Variants in RMDN2 observed in about 807,000 individuals in gnomAD.
RMDN2 encodes the protein regulator of microtubule dynamics 2.
In RMDN2, 61 loss-of-function variants were observed where a neutral mutation model predicts 52.8. That is an observed-to-expected ratio of 1.16 (90% CI 0.94 to 1.43). The LOEUF is 1.43. RMDN2 is among the 40% of genes most tolerant of loss of function. RMDN2 has a pLI of 0.00. For missense variants in RMDN2, 592 were observed against 475.3 expected, an observed-to-expected ratio of 1.25 and a Z score of -2.28; for synonymous variants, 180 against 153.1, an observed-to-expected ratio of 1.18 and a Z score of -1.30.
At chr2:38,052,206 A>G (rs1258580405) in intron 10 of RMDN2, among the ~76,000 whole-genome samples, 1 of 152,130 alleles carries the variant, frequency 6.6e-6, no homozygotes, top group African/African-American at 2.4e-5. Flanking sequence ...TTGATAATAG[A>G]CATTGTAACT....
At chr2:37,975,085 A>G in intron 3 of RMDN2, 127 bp from the exon 4 acceptor site, 2 of 667,860 alleles carry the variant, frequency 3.0e-6, no homozygotes, top group Admixed American at 2.7e-5. Flanking sequence ...ATGCATATAC[A>G]TAGATTCAAT....
chr2:38,044,614 G>A (rs775876757), intron 10 of RMDN2, among the ~76,000 whole-genome samples: 55 of 151,004 alleles, frequency 3.6e-4, no homozygotes, highest in Non-Finnish European at 6.6e-4. Context: ...TTTCAATTTG[G>A]TGAAGTTTCT....
intron 1 of RMDN2, among the ~76,000 whole-genome samples, chr2:37,927,322 T>C (rs959854150): frequency 6.6e-5 from 10 of 152,174 alleles, no homozygotes; most frequent in African/African-American, 2.4e-4. Flanking sequence ...CACTTCCCAG[T>C]TGGGTGATCA....
At chr2:37,976,279 C>T (rs1424628158) in intron 4 of RMDN2, 3 of 152,168 alleles carry the variant, frequency 2.0e-5, no homozygotes, top group Non-Finnish European at 4.4e-5. Context: ...TTATACCTCA[C>T]CTTGACTCTT....
intron 2 of RMDN2, among the ~76,000 whole-genome samples, chr2:37,955,061 C>A (rs1669282048): frequency 6.6e-6 from 1 of 152,066 alleles, no homozygotes; most frequent in Admixed American, 6.6e-5. Flanking sequence ...TGCAATTTTG[C>A]TGAATTTTAT....
At chr2:37,954,139 T>A (rs895575644) in intron 2 of RMDN2, among the ~76,000 whole-genome samples, 1 of 152,032 alleles carries the variant, frequency 6.6e-6, no homozygotes, top group African/African-American at 2.4e-5. Context: ...TTTCTCCCAA[T>A]GTGTGGGTTG....
intron 2 of RMDN2, among the ~76,000 whole-genome samples, chr2:37,971,953 A>G (rs1017905326): frequency 5.3e-5 from 8 of 152,182 alleles, no homozygotes; most frequent in Non-Finnish European, 1.0e-4. Context: ...TCACATATTT[A>G]TGATATTGGG....
At chr2:37,968,460 A>T (rs1000126667) in intron 2 of RMDN2, among the ~76,000 whole-genome samples, 2 of 140,290 alleles carry the variant, frequency 1.4e-5, no homozygotes, top group Non-Finnish European at 3.1e-5. Context: ...AAAAAAAAAA[A>T]AGAAAGTCTG....
chr2:38,023,323 A>G (rs1453859224), intron 10 of RMDN2, among the ~76,000 whole-genome samples: 1 of 152,220 alleles, frequency 6.6e-6, no homozygotes, highest in Non-Finnish European at 1.5e-5. Context: ...AAGGTAAAAA[A>G]GGAAACAAGG....
chr2:38,046,709 G>A (rs1410127411), intron 10 of RMDN2, among the ~76,000 whole-genome samples: 3 of 152,138 alleles, frequency 2.0e-5, no homozygotes, highest in Admixed American at 2.0e-4. Flanking sequence ...TCCAGGCCCG[G>A]TGCGGTGGCT....
intron 2 of RMDN2, chr2:37,951,926 A>G: frequency 1.2e-6 from 2 of 1,613,394 alleles, no homozygotes; most frequent in Non-Finnish European, 1.7e-6. Flanking sequence ...ATATTCAACA[A>G]AGGGGCCAAT....
intron 10 of RMDN2, among the ~76,000 whole-genome samples, chr2:38,013,861 A>T (rs1256141429): frequency 1.3e-5 from 2 of 152,208 alleles, no homozygotes; most frequent in Non-Finnish European, 2.9e-5. Context: ...CTTGTAAATT[A>T]ACTCATCTGT....
At chr2:37,963,059 A>C (rs528844361) in intron 2 of RMDN2, 18 of 153,058 alleles carry the variant, frequency 1.2e-4, no homozygotes, top group African/African-American at 4.1e-4. Flanking sequence ...AATGAGATGA[A>C]CTGGGTACCT....
chr2:38,053,459 A>C (rs1419731946), intron 10 of RMDN2, among the ~76,000 whole-genome samples: 1 of 152,206 alleles, frequency 6.6e-6, no homozygotes, highest in Non-Finnish European at 1.5e-5. Flanking sequence ...AAAGTGTATA[A>C]GCTATTTTCA....
intron 2 of RMDN2, among the ~76,000 whole-genome samples, chr2:37,958,316 T>G (rs1404340902): frequency 6.6e-6 from 1 of 152,224 alleles, no homozygotes; most frequent in Non-Finnish European, 1.5e-5. Context: ...ACTCTCTTAT[T>G]TCCTTGAGAA....
chr2:37,938,125 AG>A (rs1353760698), intron 2 of RMDN2, among the ~76,000 whole-genome samples: 1 of 152,160 alleles, frequency 6.6e-6, no homozygotes, highest in Non-Finnish European at 1.5e-5. Flanking sequence ...CCTTTATTGA[AG>A]GCCTTTTCTG....
In RMDN2 at chr2:37,965,383, A is replaced by T. The variant is rs146694602; in HGVS notation, c.453-8657A>T. ...GATATGTTTTGATTTCCTTTTACATATATTCTATAAATATGTTTTGTGGTT... is the reference window on the plus strand; with the variant it reads ...GATATGTTTTGATTTCCTTTTACATTTATTCTATAAATATGTTTTGTGGTT... On this transcript the variant is annotated intron_variant, in intron 2 of 10. Coordinates refer to ENST00000354545, the MANE Select transcript of RMDN2 (RefSeq NM_001170791.3). 9.5e-4 allele frequency among the ~76,000 whole-genome samples: 131 copies of T among 138,262 alleles called. 1 individual carries two copies. In the East Asian group the frequency reaches 0.022, roughly 24 times the overall value. 90.7% of individuals were successfully genotyped at this position (138,262 alleles called of 152,430 possible). A position where few individuals can be genotyped will look rare whatever the true frequency, so the allele number is the denominator to read the frequency against.
intron 4 of RMDN2, among the ~76,000 whole-genome samples, chr2:37,975,703 A>C (rs1838790): frequency 0.08 from 12,248 of 152,270 alleles, 672 homozygotes; most frequent in Non-Finnish European, 0.13. Flanking sequence ...AGTGTAATAA[A>C]AAAAAAGATC....
chr2:37,981,182 C>T, intron 4 of RMDN2, 101 bp from the exon 5 acceptor site: 1 of 782,318 alleles, frequency 1.3e-6, no homozygotes. Context: ...GCTGATGCTT[C>T]TGGTCTTGGG....
Sources: gnomAD v4.1 joint callset for allele counts (sites outside exome capture counted in the v4.1 genomes callset) on GRCh38, gnomAD v4.1.1 for gene constraint, MANE v1.5 for transcripts, NCBI Gene and HGNC (gene_info 2026-07-23, HGNC 2026-07-21) for gene names.